SMYD3: variants seen among roughly 807,000 people sequenced by gnomAD.
SMYD3 encodes SET and MYND domain containing 3, also known as histone-lysine N-methyltransferase SMYD3.
SMYD3 carries 36 observed loss-of-function variants against 57.7 expected under a neutral mutation model. The observed-to-expected ratio is 0.62, with a 90% CI of 0.48 to 0.82. The LOEUF is 0.82. SMYD3 is among the 40% of genes least tolerant of loss of function. SMYD3 has a pLI of 0.00. For missense variants in SMYD3, 515 were observed against 538.8 expected, an observed-to-expected ratio of 0.96 and a Z score of 0.44; for synonymous variants, 211 against 195.0, an observed-to-expected ratio of 1.08 and a Z score of -0.68.
intron 5 of SMYD3, among the ~76,000 whole-genome samples, chr1:245,947,895 C>T (rs1489038440): frequency 6.6e-6 from 1 of 152,186 alleles, no homozygotes; most frequent in Non-Finnish European, 1.5e-5. Flanking sequence ...AAGTAAGTCA[C>T]AGTGTACGTA....
intron 5 of SMYD3, among the ~76,000 whole-genome samples, chr1:246,107,285 G>T (rs772244928): frequency 6.7e-6 from 1 of 149,400 alleles, no homozygotes; most frequent in African/African-American, 2.5e-5. Context: ...AGATTCCATC[G>T]CAAAAAAAGA....
intron 5 of SMYD3, among the ~76,000 whole-genome samples, chr1:246,239,224 T>C (rs1024500617): frequency 6.6e-6 from 1 of 152,206 alleles, no homozygotes; most frequent in Non-Finnish European, 1.5e-5. Flanking sequence ...ATTAGGTATA[T>C]GTCCTAATGC....
At chr1:245,817,185 C>T (rs377681441) in intron 10 of SMYD3, among the ~76,000 whole-genome samples, 80 of 148,790 alleles carry the variant, frequency 5.4e-4, no homozygotes, top group Middle Eastern at 3.5e-3. Context: ...TCTCCCAGCA[C>T]GCAGCTGGAG....
chr1:246,074,144 G>A (rs2060504656), intron 5 of SMYD3, among the ~76,000 whole-genome samples: 1 of 152,078 alleles, frequency 6.6e-6, no homozygotes, highest in Admixed American at 6.6e-5. Flanking sequence ...TCTCCTTCCA[G>A]TGTGGCCCAG....
Position 246,144,372 on chromosome 1 carries a change from T to A in SMYD3, c.531+182829A>T, listed in dbSNP as rs557379018. 1.3e-4 allele frequency among the ~76,000 whole-genome samples: 20 copies of A among 152,342 alleles called. 1 individual carries two copies. The highest frequency in any genetic ancestry group is 7.7e-4 in the East Asian group (4 of 5,190). On this transcript the variant is annotated intron_variant, in intron 5 of 11. Coordinates refer to ENST00000490107, the MANE Select transcript of SMYD3 (RefSeq NM_001167740.2). ...TTTGCAATAATGTCAGTACAACTGA[T>A]CCATTATTATTAAACTACAGTTTTT...
chr1:245,971,359 G>A (rs2058296628), intron 5 of SMYD3, among the ~76,000 whole-genome samples: 2 of 152,072 alleles, frequency 1.3e-5, no homozygotes, highest in South Asian at 4.2e-4. Flanking sequence ...ACGGGTTGAT[G>A]GGTGCAGCAA....
At chr1:246,505,919 A>T (rs1410324252) in intron 1 of SMYD3, among the ~76,000 whole-genome samples, 2 of 152,252 alleles carry the variant, frequency 1.3e-5, no homozygotes, top group Non-Finnish European at 1.5e-5. Flanking sequence ...AAAAACTTCA[A>T]GATGCTGCTC....
intron 5 of SMYD3, among the ~76,000 whole-genome samples, chr1:246,092,089 A>C (rs1286825090): frequency 1.3e-5 from 2 of 152,220 alleles, no homozygotes; most frequent in African/African-American, 4.8e-5. Context: ...ATCTTACTTT[A>C]AGAAAAAAGT....
chr1:245,807,915 G>A (rs2048273421), intron 10 of SMYD3, among the ~76,000 whole-genome samples: 1 of 151,986 alleles, frequency 6.6e-6, no homozygotes, highest in African/African-American at 2.4e-5. Context: ...ATGAGATATG[G>A]GTGCCTTTAA....
At chr1:246,271,176 C>T (rs1335939821) in intron 5 of SMYD3, among the ~76,000 whole-genome samples, 1 of 151,990 alleles carries the variant, frequency 6.6e-6, no homozygotes, top group Non-Finnish European at 1.5e-5. Flanking sequence ...TTGTTGAGTT[C>T]TTAATTATAT....
intron 5 of SMYD3, among the ~76,000 whole-genome samples, chr1:246,213,285 C>T (rs758483051): frequency 2.6e-4 from 39 of 152,180 alleles, no homozygotes; most frequent in Non-Finnish European, 5.1e-4. Context: ...AATGCTTACA[C>T]AGCAGCATGT....
At chr1:245,905,911 TA>T (rs1347681422) in intron 8 of SMYD3, among the ~76,000 whole-genome samples, 2 of 152,196 alleles carry the variant, frequency 1.3e-5, no homozygotes, top group Non-Finnish European at 2.9e-5. Flanking sequence ...GTCTCTTCAA[TA>T]AATGATGCTG....
At chr1:245,770,211 T>C (rs2046280715) in intron 10 of SMYD3, among the ~76,000 whole-genome samples, 2 of 152,234 alleles carry the variant, frequency 1.3e-5, no homozygotes, top group Admixed American at 6.5e-5. Flanking sequence ...GTCAAGATCA[T>C]GGAAAGAGTG....
intron 1 of SMYD3, among the ~76,000 whole-genome samples, chr1:246,459,419 G>A (rs1462304261): frequency 2.0e-5 from 3 of 151,538 alleles, no homozygotes; most frequent in Admixed American, 2.0e-4. Context: ...GCGAGATCTT[G>A]TTACTTGAGA....
rs577501293 is a variant in SMYD3 at position 246,500,574 on chromosome 1, T to C, written c.164+6480A>G. On this transcript the variant is annotated intron_variant, in intron 1 of 11. Transcript: ENST00000490107. ...GTGGCTGGCTGGTCCTGAAGATGTG[T>C]TGCCATTTGGGGAATCAGGACCAGT... 5.9e-5 allele frequency among the ~76,000 whole-genome samples: 9 copies of C among 152,300 alleles called. No individual in the cohort carries two copies. In the South Asian group the frequency reaches 1.9e-3, roughly 32 times the overall value.
intron 1 of SMYD3, among the ~76,000 whole-genome samples, chr1:246,436,331 T>C (rs1198830603): frequency 6.6e-6 from 1 of 152,156 alleles, no homozygotes; most frequent in Non-Finnish European, 1.5e-5. Context: ...CTCCAATAAT[T>C]GAAGGCAAGA....
chr1:245,797,531 T>TG, intron 10 of SMYD3, among the ~76,000 whole-genome samples: 1 of 39,082 alleles, frequency 2.6e-5, no homozygotes, highest in South Asian at 9.8e-4. Flanking sequence ...TGTGGTGGGG[T>TG]GGGGGGAGGG....
intron 5 of SMYD3, among the ~76,000 whole-genome samples, chr1:245,941,576 A>G (rs949526003): frequency 2.0e-5 from 3 of 152,192 alleles, no homozygotes; most frequent in African/African-American, 7.2e-5. Flanking sequence ...GCTGGAGAGC[A>G]ATGGAACAAT....
chr1:246,176,951 A>G (rs2062445258), intron 5 of SMYD3, among the ~76,000 whole-genome samples: 1 of 152,216 alleles, frequency 6.6e-6, no homozygotes, highest in East Asian at 1.9e-4. Context: ...TCCCCAAACT[A>G]TAGACTTTAA....
Sources: gnomAD v4.1 joint callset for allele counts (sites outside exome capture counted in the v4.1 genomes callset) on GRCh38, gnomAD v4.1.1 for gene constraint, MANE v1.5 for transcripts, NCBI Gene and HGNC (gene_info 2026-07-23, HGNC 2026-07-21) for gene names.